HSD17B12: variants seen among roughly 807,000 people sequenced by gnomAD.
HSD17B12 encodes the protein hydroxysteroid 17-beta dehydrogenase 12.
Under a neutral mutation model 39.3 loss-of-function variants are expected in HSD17B12, and 32 were observed. The ratio of observed to expected loss-of-function variants is 0.81; its 90% confidence interval spans 0.61 to 1.09. The LOEUF is 1.09. Ranked by LOEUF, HSD17B12 falls within the 50% of genes least tolerant of loss-of-function variation. The pLI, the probability that HSD17B12 is intolerant of heterozygous loss-of-function variation, is 0.00. For missense variants in HSD17B12, 342 were observed against 382.9 expected, an observed-to-expected ratio of 0.89 and a Z score of 0.89; for synonymous variants, 150 against 146.7, an observed-to-expected ratio of 1.02 and a Z score of -0.16.
At chr11:43,664,014 T>C in the HSD17B12 span, among the ~76,000 whole-genome samples, 2 of 152,034 alleles carry the variant, frequency 1.3e-5, no homozygotes, top group East Asian at 3.9e-4. Context: ...CATGCCTGGC[T>C]AATTTCTGTA....
chr11:43,610,176 A>G, the HSD17B12 span, among the ~76,000 whole-genome samples: 3 of 152,220 alleles, frequency 2.0e-5, no homozygotes, highest in Non-Finnish European at 4.4e-5. Flanking sequence ...GTAGATTCAA[A>G]TATAAATATA....
At chr11:43,596,057 T>G in the HSD17B12 span, among the ~76,000 whole-genome samples, 1 of 152,122 alleles carries the variant, frequency 6.6e-6, no homozygotes, top group African/African-American at 2.4e-5. Flanking sequence ...TTTGTGTTGT[T>G]TTGATTTGTT....
chr11:43,718,405 T>C (rs1260172406), intron 1 of HSD17B12, among the ~76,000 whole-genome samples: 1 of 152,186 alleles, frequency 6.6e-6, no homozygotes, highest in African/African-American at 2.4e-5. Flanking sequence ...CAGATGCATA[T>C]GAGATTTCTT....
chr11:43,754,105 G>C lies in HSD17B12; in HGVS notation c.267G>C (p.Gln89His), dbSNP rs201693669. The C allele has an allele frequency of 6.1e-5, 99 of 1,610,416 alleles. No individual in the cohort carries two copies. In the South Asian group the frequency reaches 7.5e-4, roughly 12 times the overall value. The change falls in exon 3 of 11, where the codon CAG becomes CAC. Residue 89 changes from glutamine to histidine, a missense_variant. Coordinates refer to ENST00000278353, the MANE Select transcript of HSD17B12 (RefSeq NM_016142.3). Reference sequence around the variant, plus strand: ...GCAGATCAAAGGATAAACTTGACCAGGTTTCCAGTGAAATAAGTAAGTTCT... The same window carrying C: ...GCAGATCAAAGGATAAACTTGACCACGTTTCCAGTGAAATAAGTAAGTTCT... ...LISRSKDKLD[Q>H]VSSEIKEKFK... is the part of the protein sequence containing the mutation.
chr11:43,603,866 G>A, the HSD17B12 span, among the ~76,000 whole-genome samples: 2 of 152,022 alleles, frequency 1.3e-5, no homozygotes, highest in Non-Finnish European at 2.9e-5. Context: ...TTAGCTCAGT[G>A]GTAGAGTTAT....
intron 6 of HSD17B12, chr11:43,830,105 C>G (rs943265570): frequency 1.1e-4 from 16 of 152,244 alleles, no homozygotes; most frequent in Middle Eastern, 3.4e-3. Context: ...AGAATGCTGT[C>G]TACTTTAATT....
At chr11:43,744,736 G>A (rs1950398632) in intron 1 of HSD17B12, among the ~76,000 whole-genome samples, 1 of 152,208 alleles carries the variant, frequency 6.6e-6, no homozygotes, top group Non-Finnish European at 1.5e-5. Flanking sequence ...GTGTATGTGA[G>A]GTGTATTCAG....
chr11:43,690,393 TATA>T (rs1157025553), intron 1 of HSD17B12, among the ~76,000 whole-genome samples: 57 of 27,712 alleles, frequency 2.1e-3, no homozygotes, highest in South Asian at 4.7e-3. Context: ...TATATATATA[TATA>T]TATATATATT....
the HSD17B12 span, among the ~76,000 whole-genome samples, chr11:43,571,092 A>G: frequency 6.6e-6 from 1 of 152,342 alleles, no homozygotes; most frequent in East Asian, 1.9e-4. Flanking sequence ...AGCTTAGTAG[A>G]TCAGCAGCTA....
chr11:43,696,050 G>C (rs1404430486), intron 1 of HSD17B12, among the ~76,000 whole-genome samples: 1 of 152,022 alleles, frequency 6.6e-6, no homozygotes, highest in African/African-American at 2.4e-5. Context: ...ATGTGTCCAT[G>C]TTCTCATCAT....
At chr11:43,667,544 C>T in the HSD17B12 span, among the ~76,000 whole-genome samples, 151,762 of 152,326 alleles carry the variant, frequency 1, 75,603 homozygotes, top group Middle Eastern at 1. Flanking sequence ...GAATACGGAT[C>T]GGGTATCCTT....
Position 43,680,790 on chromosome 11 carries a change from T to C in HSD17B12, c.-38T>C. ...TCCTCCTGGATTCATTCACTCGCTCTTTTCATTCACGAAGGTAGTGAGGCC... is the reference window on the plus strand; with the variant it reads ...TCCTCCTGGATTCATTCACTCGCTCCTTTCATTCACGAAGGTAGTGAGGCC... On this transcript the variant is annotated 5_prime_UTR_variant, in exon 1 of 11. Transcript: ENST00000278353. 6.3e-7 allele frequency: 1 copy of C among 1,576,894 alleles called. No homozygotes were observed. Among genetic ancestry groups the C allele is most frequent in the Non-Finnish European group, 8.7e-7 (1 of 1,146,260 alleles).
At chr11:43,609,387 A>T in the HSD17B12 span, among the ~76,000 whole-genome samples, 12 of 150,572 alleles carry the variant, frequency 8.0e-5, no homozygotes, top group Non-Finnish European at 1.5e-4. Context: ...TATTTTAAAG[A>T]TAGGGTCTAA....
intron 7 of HSD17B12, among the ~76,000 whole-genome samples, chr11:43,835,086 T>C (rs1590339356): frequency 1.3e-5 from 2 of 152,346 alleles, no homozygotes; most frequent in East Asian, 3.9e-4. Context: ...GTCTTCATTA[T>C]AGAACTTCAG....
At chr11:43,566,023 AG>A in the HSD17B12 span, among the ~76,000 whole-genome samples, 1 of 119,500 alleles carries the variant, frequency 8.4e-6, no homozygotes, top group African/African-American at 3.0e-5. Flanking sequence ...GGGCCCAAAG[AG>A]GGGATGCTCT....
chr11:43,629,619 G>A, the HSD17B12 span, among the ~76,000 whole-genome samples: 2 of 152,132 alleles, frequency 1.3e-5, no homozygotes, highest in Admixed American at 1.3e-4. Flanking sequence ...GTATCCCAAA[G>A]GACATAGTAC....
chr11:43,830,396 G>A (rs911719651), intron 6 of HSD17B12: 3 of 152,144 alleles, frequency 2.0e-5, no homozygotes, highest in African/African-American at 7.2e-5. Context: ...AAAAAATGCA[G>A]ATGTCACCTT....
At chr11:43,723,853 A>G (rs145580866) in intron 1 of HSD17B12, among the ~76,000 whole-genome samples, 2 of 152,324 alleles carry the variant, frequency 1.3e-5, no homozygotes, top group Non-Finnish European at 2.9e-5. Flanking sequence ...CTGACAGGCC[A>G]TCAGTTTCAT....
chr11:43,610,037 C>G, the HSD17B12 span, among the ~76,000 whole-genome samples: 2 of 152,164 alleles, frequency 1.3e-5, no homozygotes, highest in African/African-American at 4.8e-5. Context: ...AGGGGCGTCA[C>G]GTTTTCTAAT....
Sources: allele counts gnomAD v4.1 joint callset (sites outside exome capture counted in the v4.1 genomes callset), GRCh38; gene constraint gnomAD v4.1.1; transcripts MANE v1.5; gene names NCBI Gene and HGNC (gene_info 2026-07-23, HGNC 2026-07-21).